Variants in VPS37B observed in about 807,000 individuals in gnomAD.
VPS37B encodes the protein VPS37B subunit of ESCRT-I.
A neutral mutation model predicts 21.2 loss-of-function variants in VPS37B; 11 were observed. The ratio of observed to expected loss-of-function variants is 0.52; its 90% confidence interval spans 0.33 to 0.86. The LOEUF (loss-of-function observed/expected upper bound fraction) is 0.86, where lower values mean the gene tolerates loss of function less well. Ranked by LOEUF, VPS37B falls within the 40% of genes least tolerant of loss-of-function variation. VPS37B has a pLI of 0.03. For synonymous variants in VPS37B, 175 were observed against 159.6 expected, an observed-to-expected ratio of 1.10 and a Z score of -0.73; for missense variants, 389 against 374.8, an observed-to-expected ratio of 1.04 and a Z score of -0.31.
At position 122,867,197 on chromosome 12, in the gene VPS37B, G is replaced by A. The variant is rs374081924; in HGVS notation, c.777C>T (p.Phe259=). ...LPTQQGFSSQ[F]VSPYPPPLPQ... ...GGAGAGGTGGCGGATATGGGGACAC[G>A]AACTGCGAAGAGAATCCTTGCTGAG... Residue 259 remains phenylalanine (F), a synonymous_variant, in exon 4 of 4, where the codon TTC becomes TTT. Transcript: ENST00000267202. This position sits in a 1 kb window ranked among gnomAD's most constrained non-coding sequence, Gnocchi z 5.5. The A allele has an allele frequency of 3.8e-5, 59 of 1,571,446 alleles. No homozygotes were observed. Among genetic ancestry groups the A allele is most frequent in the Non-Finnish European group, 4.5e-5 (52 of 1,162,274 alleles).
intron 1 of VPS37B, among the ~76,000 whole-genome samples, chr12:122,891,714 T>C (rs1409312847): frequency 2.0e-5 from 3 of 152,216 alleles, no homozygotes. Flanking sequence ...CAGAGTGTGT[T>C]TGGGAGCCGG....
Position 122,871,933 on chromosome 12 carries a change from G to A in VPS37B, c.112-872C>T, listed in dbSNP as rs560169248. 7.8e-5 allele frequency: 77 copies of A among 985,338 alleles called. No homozygotes were observed. In the African/African-American group the frequency reaches 1.1e-3, roughly 14 times the overall value. 61.0% of individuals were successfully genotyped at this position (985,338 alleles called of 1,614,324 possible). A position where few individuals can be genotyped will look rare whatever the true frequency, so the allele number is the denominator to read the frequency against. ...CTTCCTCTACCACAGCCCAGCCGCC[G>A]CCACCTCACTTTCCTTCCACACCGT... On this transcript the variant is annotated intron_variant, in intron 1 of 3. Transcript: ENST00000267202.
chr12:122,867,328 C>T lies in VPS37B; in HGVS notation c.646G>A (p.Ala216Thr). 1.3e-6 allele frequency: 2 copies of T among 1,555,948 alleles called. 1 individual carries two copies. The change falls in exon 4 of 4, where the codon GCG becomes ACG. Residue 216 changes from alanine to threonine, a missense_variant. Coordinates refer to ENST00000267202, the MANE Select transcript of VPS37B (RefSeq NM_024667.3). This position sits in a 1 kb window ranked among gnomAD's most constrained non-coding sequence, Gnocchi z 5.5. ...GTAAACGGGGTGGCTAAGCGTCCCGCAGGCACCGGGGGTGGTGGGGGGGGG... is the reference window on the plus strand; with the variant it reads ...GTAAACGGGGTGGCTAAGCGTCCCGTAGGCACCGGGGGTGGTGGGGGGGGG... ...RIPPPPPPVP[A>T]GRLATPFTAA...
At position 122,871,319 on chromosome 12, in the gene VPS37B, A is replaced by G. The variant is rs560061695; in HGVS notation, c.112-258T>C. 22 of 1,200,842 alleles carry G rather than the reference A, an allele frequency of 1.8e-5. No homozygotes were observed. The South Asian group carries it at 6.9e-4, about 37-fold the overall frequency. The allele number at this position is 1,200,842 out of a possible 1,614,324, so 74.4% of individuals were successfully genotyped here. On this transcript the variant is annotated intron_variant, in intron 1 of 3. Transcript: ENST00000267202. ...AGGACAGGCTTTGTCCTGTGACTCC[A>G]TGCAGAGCCTTCCCTGCCACGGCTG...
chr12:122,882,055 A>C (rs932090018), intron 1 of VPS37B: 1 of 152,220 alleles, frequency 6.6e-6, no homozygotes, highest in Admixed American at 6.5e-5. Flanking sequence ...CACATTTAGC[A>C]AAATTCACAA....
At position 122,866,223 on chromosome 12, in the gene VPS37B, G is replaced by C. The variant is rs1389929226; in HGVS notation, c.*893C>G. 6.5e-6 allele frequency: 1 copy of C among 152,682 alleles called. No individual in the cohort carries two copies. The highest frequency in any genetic ancestry group is 1.5e-5 in the Non-Finnish European group (1 of 68,064). The allele number at this position is 152,682 out of a possible 1,614,324, so 9.5% of individuals were successfully genotyped here. A position where few individuals can be genotyped will look rare whatever the true frequency, so the allele number is the denominator to read the frequency against. On this transcript the variant is annotated 3_prime_UTR_variant, in exon 4 of 4. Coordinates refer to ENST00000267202, the MANE Select transcript of VPS37B (RefSeq NM_024667.3). ...GAGGGGGGGGCACCGTGCACTGCTT[G>C]CACAAAAGGAAATTGCATCCACTTC... is the stretch of plus-strand genomic sequence containing the variant.
rs148886373 is a variant in VPS37B at position 122,871,129 on chromosome 12, G to A, written c.112-68C>T. 4.5e-4 allele frequency: 710 copies of A among 1,573,338 alleles called. 1 individual carries two copies. In the African/African-American group the frequency reaches 8.7e-3, roughly 19 times the overall value. On this transcript the variant is annotated intron_variant, in intron 1 of 3. Transcript: ENST00000267202. Reference sequence around the variant, plus strand: ...GCTCCTAAACCCCTGAGGTCCCCACGCACACCCCAGGAGCCCAGTGCAGCT... The same window carrying A: ...GCTCCTAAACCCCTGAGGTCCCCACACACACCCCAGGAGCCCAGTGCAGCT...
At chr12:122,875,099 A>C (rs1016707653) in intron 1 of VPS37B, 1 of 150,482 alleles carries the variant, frequency 6.6e-6, no homozygotes, top group Non-Finnish European at 1.5e-5. Context: ...TCGCTCTGTC[A>C]CCGAGACTGG....
At chr12:122,885,706 C>T (rs1242379367) in intron 1 of VPS37B, 3 of 91,416 alleles carry the variant, frequency 3.3e-5, no homozygotes, top group East Asian at 3.5e-4. Flanking sequence ...TTTTTTGAGA[C>T]GGAGTCTCGC....
In VPS37B at chr12:122,866,827, T is replaced by C; in HGVS notation, c.*289A>G. ...AATGGGACTGGGGGAGAGGCCTATT[T>C]CTTCCCAAACATGAGTTCATCAACG... On this transcript the variant is annotated 3_prime_UTR_variant, in exon 4 of 4. Coordinates refer to ENST00000267202, the MANE Select transcript of VPS37B (RefSeq NM_024667.3). The C allele has an allele frequency of 2.8e-6, 1 of 361,912 alleles. No individual in the cohort carries two copies. Among genetic ancestry groups the C allele is most frequent in the Non-Finnish European group, 4.9e-6 (1 of 202,458 alleles). The allele number at this position is 361,912 out of a possible 1,614,324, so 22.4% of individuals were successfully genotyped here.
chr12:122,866,721 T>G lies in VPS37B; in HGVS notation c.*395A>C. The stretch of plus-strand genomic sequence containing the variant: ...TGCAGTGGCCGGTGGGTGAGACACA[T>G]AGGACTGTCTTTCGAAAATAAAATA... On this transcript the variant is annotated 3_prime_UTR_variant, in exon 4 of 4. Transcript: ENST00000267202. 1 of 161,758 alleles carries G rather than the reference T, an allele frequency of 6.2e-6. No individual in the cohort carries two copies. Among genetic ancestry groups the G allele is most frequent in the Non-Finnish European group, 1.3e-5 (1 of 74,442 alleles). 10.0% of individuals were successfully genotyped at this position (161,758 alleles called of 1,614,324 possible). A position where few individuals can be genotyped will look rare whatever the true frequency, so the allele number is the denominator to read the frequency against.
chr12:122,868,997 C>T lies in VPS37B; in HGVS notation c.284-435G>A, dbSNP rs912108174. 3.3e-5 allele frequency among the ~76,000 whole-genome samples: 5 copies of T among 152,234 alleles called. No homozygotes were observed. The highest frequency in any genetic ancestry group is 6.5e-5 in the Admixed American group (1 of 15,290). On this transcript the variant is annotated intron_variant, in intron 2 of 3. Transcript: ENST00000267202. This position sits in a 1 kb window ranked among gnomAD's most constrained non-coding sequence, Gnocchi z 5.5. ...AGATAACCCCTACGCTGGCCTCCAC[C>T]ACCACAGAGGAGGTCCGCCTGGTCT...
intron 2 of VPS37B, 162 bp downstream of exon 2, chr12:122,870,728 A>AAAAT (rs1397654614): frequency 1.4e-6 from 1 of 736,786 alleles, no homozygotes; most frequent in South Asian, 2.1e-5. Context: ...CCTGTCTCTA[A>AAAAT]AAATAAATAA....
intron 2 of VPS37B, 81 bp downstream of exon 2, chr12:122,870,809 T>G (rs2034009889): frequency 6.8e-7 from 1 of 1,480,084 alleles, no homozygotes. Flanking sequence ...CCGTAATATT[T>G]CTTTCCTGGT....
Position 122,867,245 on chromosome 12 carries a change from C to A in VPS37B, c.729G>T (p.Leu243=), listed in dbSNP as rs751702167. ...GAGTGGGGAGGCCCACGCGGGGGGG[C>A]AGGGGCGGGCACTGTAATCCTGGGT... ...VPYPGLQCPP[L]PPRVGLPTQQ... The change falls in exon 4 of 4, where the codon CTG becomes CTT. Residue 243 remains leucine (L), a synonymous_variant. Transcript: ENST00000267202. The surrounding 1 kb of genome is among the most constrained non-coding windows in gnomAD (Gnocchi z 5.5). The A allele has an allele frequency of 1.3e-6, 2 of 1,559,612 alleles. No individual in the cohort carries two copies. Among genetic ancestry groups the A allele is most frequent in the East Asian group, 2.3e-5 (1 of 44,316 alleles).
In VPS37B at chr12:122,870,967, A is replaced by G. The variant is rs2034018209; in HGVS notation, c.206T>C (p.Leu69Ser). ...GTATTTCTGGGTCAAGCGTGCTTTC[A>G]ACGTGTCCAGCTGGGGCTGGTACAA... is the stretch of plus-strand genomic sequence containing the variant. ...NLLYQPQLDT[L>S]KARLTQKYQE... The change falls in exon 2 of 4, where the codon TTG becomes TCG. Residue 69 changes from leucine (L) to serine (S), a missense_variant. Coordinates refer to ENST00000267202, the MANE Select transcript of VPS37B (RefSeq NM_024667.3). The G allele has an allele frequency of 1.2e-6, 2 of 1,614,204 alleles. No individual in the cohort carries two copies. Among genetic ancestry groups the G allele is most frequent in the Non-Finnish European group, 1.7e-6 (2 of 1,180,032 alleles).
At position 122,871,048 on chromosome 12, in the gene VPS37B, T is replaced by C; in HGVS notation, c.125A>G (p.Gln42Arg). Reference protein sequence around the residue: ...VQKMEETQNVQLNKEMTLASN... With the variant: ...VQKMEETQNVRLNKEMTLASN... The stretch of plus-strand genomic sequence containing the variant: ...GGCAAGTGTCATTTCTTTGTTAAGC[T>C]GAACATTCTGTGTCTGCAAGGAACA... The change falls in exon 2 of 4, where the codon CAG becomes CGG. Residue 42 changes from glutamine (Q) to arginine (R), a missense_variant. Gln to Arg is a conservative substitution (Grantham distance 43). Transcript: ENST00000267202. The C allele has an allele frequency of 1.9e-6, 3 of 1,614,112 alleles. No individual in the cohort carries two copies. The highest frequency in any genetic ancestry group is 4.5e-5 in the East Asian group (2 of 44,882).
intron 1 of VPS37B, chr12:122,878,694 T>G (rs1257185539): frequency 7.6e-6 from 1 of 131,138 alleles, no homozygotes; most frequent in Non-Finnish European, 1.5e-5. Context: ...TGGAGTGCAG[T>G]GGGGCAATCT....
At chr12:122,890,262 T>C (rs1013207723) in intron 1 of VPS37B, 2 of 152,150 alleles carry the variant, frequency 1.3e-5, no homozygotes, top group Admixed American at 1.3e-4. Flanking sequence ...AAAGTCTGTC[T>C]CTTGCATCAG....
Sources: allele counts gnomAD v4.1 joint callset (sites outside exome capture counted in the v4.1 genomes callset), GRCh38; gene constraint gnomAD v4.1.1; non-coding constraint Gnocchi (gnomAD v3.1); transcripts MANE v1.5; gene names NCBI Gene and HGNC (gene_info 2026-07-23, HGNC 2026-07-21).